The following SH3BP5 variants were observed in gnomAD, a reference collection of about 807,000 sequenced individuals.
SH3BP5 encodes the protein SH3 domain-binding protein 5.
A neutral mutation model predicts 43.3 loss-of-function variants in SH3BP5; 22 were observed. That is an observed-to-expected ratio of 0.51 (90% CI 0.36 to 0.73). SH3BP5 has a LOEUF of 0.73. Ranked by LOEUF, SH3BP5 falls within the 30% of genes least tolerant of loss-of-function variation. The probability of loss-of-function intolerance (pLI) is 0.00; values close to 1 mark genes in which losing one functional copy is unlikely to be tolerated. For synonymous variants in SH3BP5, 255 were observed against 225.8 expected (o/e 1.13, Z -1.16); for missense variants, 529 against 586.9 (o/e 0.90, Z 1.02).
chr3:15,304,004 G>C (rs530580936), intron 3 of SH3BP5, 99 bp downstream of exon 3: 8 of 984,830 alleles, frequency 8.1e-6, no homozygotes, highest in Non-Finnish European at 1.3e-5. Flanking sequence ...TATTGGACTC[G>C]AGCTTCTAAC....
At chr3:15,323,251 T>TCC (rs1272118012) in intron 2 of SH3BP5, among the ~76,000 whole-genome samples, 2 of 152,148 alleles carry the variant, frequency 1.3e-5, no homozygotes, top group South Asian at 2.1e-4. Flanking sequence ...GACTACAAAG[T>TCC]CCATCCCGCT....
Position 15,259,806 on chromosome 3 carries a change from G to A in SH3BP5, c.627-3C>T. 2 of 1,613,534 alleles carry A rather than the reference G, an allele frequency of 1.2e-6. No individual in the cohort carries two copies. The highest frequency in any genetic ancestry group is 2.2e-5 in the East Asian group (1 of 44,892). ...TTGCCTTGAGTTCAAAATAAGGCCT[G>A]CAGAAGACAGGAAGGAAAGCCATCA... On this transcript the variant is annotated splice_region_variant and splice_polypyrimidine_tract_variant and intron_variant, in intron 5 of 8. Coordinates refer to ENST00000383791, the MANE Select transcript of SH3BP5 (RefSeq NM_004844.5).
upstream of SH3BP5, among the ~76,000 whole-genome samples, chr3:15,337,433 T>G (rs2124843356): frequency 6.6e-6 from 1 of 152,312 alleles, no homozygotes; most frequent in Admixed American, 6.5e-5. Flanking sequence ...ATCAACAACA[T>G]TAATTCATTT....
At chr3:15,256,445 A>G (rs1696203648) in intron 8 of SH3BP5, 142 bp from the exon 9 acceptor site, 2 of 840,396 alleles carry the variant, frequency 2.4e-6, no homozygotes, top group Admixed American at 2.2e-5. Context: ...AGCCCTGTAG[A>G]AGTCCCACTG....
intron 4 of SH3BP5, among the ~76,000 whole-genome samples, chr3:15,268,523 C>T (rs995912426): frequency 3.3e-5 from 5 of 152,242 alleles, no homozygotes; most frequent in African/African-American, 1.2e-4. Context: ...GGAATCTAGA[C>T]AGAGAATGCA....
At chr3:15,279,048 T>C (rs1575302931) in intron 3 of SH3BP5, among the ~76,000 whole-genome samples, 1 of 152,126 alleles carries the variant, frequency 6.6e-6, no homozygotes, top group South Asian at 2.1e-4. Context: ...CAGGCACCTA[T>C]AATCCCAGCT....
intron 3 of SH3BP5, among the ~76,000 whole-genome samples, chr3:15,287,536 G>A (rs1309703570): frequency 6.6e-6 from 1 of 151,934 alleles, no homozygotes; most frequent in East Asian, 1.9e-4. Context: ...CAAAATAGTA[G>A]CCAGCCTCCA....
intron 3 of SH3BP5, among the ~76,000 whole-genome samples, chr3:15,281,630 T>A (rs1697132465): frequency 6.6e-6 from 1 of 152,114 alleles, no homozygotes; most frequent in African/African-American, 2.4e-5. Context: ...GCTCCCCAAG[T>A]GCATGGTTCC....
Position 15,332,425 on chromosome 3 carries a change from C to G in SH3BP5, c.-17G>C, listed in dbSNP as rs1455229275. On this transcript the variant is annotated 5_prime_UTR_variant, in exon 1 of 9. Coordinates refer to ENST00000383791, the MANE Select transcript of SH3BP5 (RefSeq NM_004844.5). ...CGCGTCCATGCAGGCAGCCGGCACG[C>G]GCGCCGCGCAGTGGGCTCCGGAGCG... 1 of 1,529,642 alleles carries G rather than the reference C, an allele frequency of 6.5e-7. No individual in the cohort carries two copies. The highest frequency in any genetic ancestry group is 1.2e-5 in the South Asian group (1 of 83,460). 94.8% of individuals were successfully genotyped at this position (1,529,642 alleles called of 1,614,324 possible).
chr3:15,322,613 G>C (rs1698357871), intron 2 of SH3BP5, among the ~76,000 whole-genome samples: 1 of 151,770 alleles, frequency 6.6e-6, no homozygotes, highest in African/African-American at 2.4e-5. Context: ...CGAGGCAGGA[G>C]GACTGCTTGA....
chr3:15,259,611 GAC>G, intron 6 of SH3BP5, 148 bp downstream of exon 6: 3 of 811,632 alleles, frequency 3.7e-6, no homozygotes, highest in Non-Finnish European at 6.6e-6. Context: ...ACCCAACCGA[GAC>G]AATTTTGAGG....
chr3:15,323,703 C>T (rs1235763135), intron 2 of SH3BP5, among the ~76,000 whole-genome samples: 1 of 152,164 alleles, frequency 6.6e-6, no homozygotes, highest in Non-Finnish European at 1.5e-5. Flanking sequence ...TGCCCTTCCC[C>T]ACGGCTTTGG....
chr3:15,266,804 C>A (rs1696658180), intron 4 of SH3BP5, among the ~76,000 whole-genome samples: 1 of 152,270 alleles, frequency 6.6e-6, no homozygotes. Context: ...GCTGCTGCCA[C>A]CTCCTAGTAT....
At chr3:15,256,632 A>G (rs1696211117) in intron 8 of SH3BP5, 1 of 607,666 alleles carries the variant, frequency 1.6e-6, no homozygotes, top group South Asian at 2.1e-5. Flanking sequence ...GATGTGAGAC[A>G]TAGGACCTAA....
rs761005165 is a variant in SH3BP5, at chr3:15,258,830, C to A, written c.889+1G>T. 1.9e-6 allele frequency: 3 copies of A among 1,612,758 alleles called. No homozygotes were observed. The highest frequency in any genetic ancestry group is 2.2e-5 in the East Asian group (1 of 44,864). On this transcript the variant is annotated splice_donor_variant, in intron 7 of 8. Coordinates refer to ENST00000383791, the MANE Select transcript of SH3BP5 (RefSeq NM_004844.5). LOFTEE classifies it high-confidence loss of function. ...CATACCCAGTGGAGCCCCTGACTTACCAGAAATGGCATCAGGCTCAGGTTT... is the reference window on the plus strand; with the variant it reads ...CATACCCAGTGGAGCCCCTGACTTAACAGAAATGGCATCAGGCTCAGGTTT...
intron 3 of SH3BP5, among the ~76,000 whole-genome samples, chr3:15,297,629 A>C (rs1287355324): frequency 6.6e-6 from 1 of 152,188 alleles, no homozygotes; most frequent in East Asian, 1.9e-4. Context: ...GATGTTAATA[A>C]ACATGAAACA....
At chr3:15,288,006 G>A (rs987548580) in intron 3 of SH3BP5, among the ~76,000 whole-genome samples, 2 of 152,216 alleles carry the variant, frequency 1.3e-5, no homozygotes, top group African/African-American at 4.8e-5. Flanking sequence ...TAAGGAACTG[G>A]CTCGTGCAAT....
chr3:15,296,370 C>CACA (rs1311002718), intron 3 of SH3BP5, among the ~76,000 whole-genome samples: 5 of 134,886 alleles, frequency 3.7e-5, no homozygotes, highest in African/African-American at 1.7e-4. Context: ...ACACACACAC[C>CACA]CCTATCCAGG....
Position 15,255,754 on chromosome 3 carries a change from C to T in SH3BP5, c.*332G>A. On this transcript the variant is annotated 3_prime_UTR_variant, in exon 9 of 9. Coordinates refer to ENST00000383791, the MANE Select transcript of SH3BP5 (RefSeq NM_004844.5). ...AAGAGAAAGAGAAGCAAGCTGTTGC[C>T]CCCACTTTGGCCTGGCTTCCCAGCC... 4.6e-6 allele frequency: 1 copy of T among 215,964 alleles called. No homozygotes were observed. Among genetic ancestry groups the T allele is most frequent in the South Asian group, 1.1e-4 (1 of 8,994 alleles). The allele number at this position is 215,964 out of a possible 1,614,324, so 13.4% of individuals were successfully genotyped here. A position where few individuals can be genotyped will look rare whatever the true frequency, so the allele number is the denominator to read the frequency against.
Sources: allele counts gnomAD v4.1 joint callset (sites outside exome capture counted in the v4.1 genomes callset), GRCh38; gene constraint gnomAD v4.1.1; transcripts MANE v1.5; gene names NCBI Gene and HGNC (gene_info 2026-07-23, HGNC 2026-07-21).